Variants in NEGR1 observed in about 807,000 individuals in gnomAD.
NEGR1 encodes IgLON family member 4.
Under a neutral mutation model 40.9 loss-of-function variants are expected in NEGR1, and 10 were observed. The observed-to-expected ratio is 0.24, with a 90% CI of 0.15 to 0.42. The LOEUF (loss-of-function observed/expected upper bound fraction) is 0.42, where lower values mean the gene tolerates loss of function less well. Among genes scored for constraint, NEGR1 ranks in the 10% least tolerant of loss-of-function variants. The pLI, the probability that NEGR1 is intolerant of heterozygous loss-of-function variation, is 1.00. For missense variants in NEGR1, 352 were observed against 438.9 expected, an observed-to-expected ratio of 0.80 and a Z score of 1.77; for synonymous variants, 185 against 166.8, an observed-to-expected ratio of 1.11 and a Z score of -0.84.
intron 1 of NEGR1, among the ~76,000 whole-genome samples, chr1:72,248,071 G>A (rs1252994124): frequency 2.0e-5 from 3 of 152,074 alleles, no homozygotes. Context: ...TCACTGCTGT[G>A]AAGACAGCAC....
intron 1 of NEGR1, among the ~76,000 whole-genome samples, chr1:72,084,841 A>G (rs1004191344): frequency 6.6e-6 from 1 of 152,212 alleles, no homozygotes; most frequent in African/African-American, 2.4e-5. Context: ...GAACTAAAAT[A>G]TCTGTTAAAA....
At chr1:71,915,953 T>G (rs1661566453) in intron 2 of NEGR1, among the ~76,000 whole-genome samples, 1 of 152,174 alleles carries the variant, frequency 6.6e-6, no homozygotes, top group Admixed American at 6.5e-5. Context: ...AAGAAATGAT[T>G]AATCCTACTT....
intron 2 of NEGR1, among the ~76,000 whole-genome samples, chr1:71,872,775 G>C (rs1660315623): frequency 6.6e-6 from 1 of 152,130 alleles, no homozygotes; most frequent in Non-Finnish European, 1.5e-5. Context: ...AGAGCAGTTT[G>C]TGTGAAACCC....
At chr1:72,256,761 G>A (rs1655281857) in intron 1 of NEGR1, among the ~76,000 whole-genome samples, 1 of 152,076 alleles carries the variant, frequency 6.6e-6, no homozygotes, top group Non-Finnish European at 1.5e-5. Context: ...ATATAAATTT[G>A]AATCTTTATT....
chr1:71,894,516 A>G (rs987160376), intron 2 of NEGR1, among the ~76,000 whole-genome samples: 1 of 152,324 alleles, frequency 6.6e-6, no homozygotes, highest in African/African-American at 2.4e-5. Flanking sequence ...ACTGAGATAC[A>G]TGTGTTATTT....
intron 4 of NEGR1, among the ~76,000 whole-genome samples, chr1:71,680,445 T>C (rs2101609487): frequency 6.6e-6 from 1 of 152,266 alleles, no homozygotes; most frequent in Admixed American, 6.5e-5. Flanking sequence ...CTGCAGCACG[T>C]AGAATTCTGT....
At chr1:72,204,174 A>G (rs1653312522) in intron 1 of NEGR1, among the ~76,000 whole-genome samples, 1 of 152,102 alleles carries the variant, frequency 6.6e-6, no homozygotes. Context: ...CACCGTGACA[A>G]CTTTGTGATA....
rs539679350 is a variant in NEGR1 at position 71,406,414 on chromosome 1, G to C, written c.*1032C>G. On this transcript the variant is annotated 3_prime_UTR_variant, in exon 7 of 7. Coordinates refer to ENST00000357731, the MANE Select transcript of NEGR1 (RefSeq NM_173808.3). ...CTTACCAACTCTTGTAATATTAGGTGATAGGACTTTGTGCCCTTTCTGACA... is the reference window on the plus strand; with the variant it reads ...CTTACCAACTCTTGTAATATTAGGTCATAGGACTTTGTGCCCTTTCTGACA... The C allele has an allele frequency of 3.3e-5, 5 of 151,966 alleles. No homozygotes were observed. The highest frequency in any genetic ancestry group is 1.2e-4 in the African/African-American group (5 of 41,520). 9.4% of individuals were successfully genotyped at this position (151,966 alleles called of 1,614,324 possible).
rs180903531 is a variant in NEGR1, at chr1:71,735,615, G to T, written c.536-37476C>A. Among the ~76,000 whole-genome samples the T allele has an allele frequency of 3.3e-5, 5 of 151,912 alleles. No homozygotes were observed. In the East Asian group the frequency reaches 7.7e-4, roughly 23 times the overall value. On this transcript the variant is annotated intron_variant, in intron 3 of 6. Coordinates refer to ENST00000357731, the MANE Select transcript of NEGR1 (RefSeq NM_173808.3). ...GATTCTAGTAGCTATGATAAGAACTGCAAAAATGAATACACATAAACACAC... is the reference window on the plus strand; with the variant it reads ...GATTCTAGTAGCTATGATAAGAACTTCAAAAATGAATACACATAAACACAC...
chr1:71,496,480 T>C (rs545677754), intron 6 of NEGR1, among the ~76,000 whole-genome samples: 5 of 152,296 alleles, frequency 3.3e-5, no homozygotes, highest in African/African-American at 9.6e-5. Flanking sequence ...AAGTTTGATA[T>C]CCTTTCCTTG....
At chr1:71,481,846 T>C (rs1646856099) in intron 6 of NEGR1, among the ~76,000 whole-genome samples, 1 of 151,908 alleles carries the variant, frequency 6.6e-6, no homozygotes, top group Non-Finnish European at 1.5e-5. Context: ...TTTAGTCACT[T>C]TTTAGGCTAA....
intron 6 of NEGR1, among the ~76,000 whole-genome samples, chr1:71,490,358 C>T (rs1020839096): frequency 2.2e-4 from 33 of 152,064 alleles, no homozygotes; most frequent in Non-Finnish European, 4.7e-4. Context: ...CAACATGCTA[C>T]AGTGTGCATG....
intron 4 of NEGR1, among the ~76,000 whole-genome samples, chr1:71,652,865 GA>G (rs1009288097): frequency 5.6e-4 from 80 of 143,768 alleles, no homozygotes; most frequent in Admixed American, 1.1e-3. Context: ...TCTCATCTCA[GA>G]AAAAAAAAAA....
At chr1:71,498,336 T>C (rs985209813) in intron 6 of NEGR1, among the ~76,000 whole-genome samples, 6 of 151,978 alleles carry the variant, frequency 3.9e-5, no homozygotes, top group African/African-American at 1.5e-4. Context: ...CCAAGGCCTA[T>C]TATTCTATGA....
intron 2 of NEGR1, among the ~76,000 whole-genome samples, chr1:71,926,063 G>A (rs1645769610): frequency 6.6e-6 from 1 of 152,092 alleles, no homozygotes. Flanking sequence ...AATGTGATCA[G>A]TCTGCTGAGC....
chr1:71,513,813 C>T (rs1054468324), intron 6 of NEGR1, among the ~76,000 whole-genome samples: 10 of 151,112 alleles, frequency 6.6e-5, no homozygotes, highest in Non-Finnish European at 1.3e-4. Context: ...TCTGAGGTAC[C>T]GGGTTCATCT....
intron 1 of NEGR1, among the ~76,000 whole-genome samples, chr1:72,092,284 G>A (rs1648529339): frequency 6.6e-6 from 1 of 152,050 alleles, no homozygotes; most frequent in African/African-American, 2.4e-5. Flanking sequence ...ACAATCCTTG[G>A]CAAAGTTTAA....
intron 3 of NEGR1, among the ~76,000 whole-genome samples, chr1:71,710,990 G>C (rs1654062036): frequency 6.6e-6 from 1 of 151,844 alleles, no homozygotes; most frequent in African/African-American, 2.4e-5. Flanking sequence ...AATATCTCAT[G>C]TACCCCATAA....
intron 6 of NEGR1, chr1:71,472,593 AGC>A (rs1557538124): frequency 2.0e-5 from 3 of 152,148 alleles, no homozygotes; most frequent in Admixed American, 2.0e-4. Context: ...CACTGGAACC[AGC>A]TGACTGATCT....
Sources: allele counts gnomAD v4.1 joint callset (sites outside exome capture counted in the v4.1 genomes callset), GRCh38; gene constraint gnomAD v4.1.1; transcripts MANE v1.5; gene names NCBI Gene and HGNC (gene_info 2026-07-23, HGNC 2026-07-21).